The following ACSF3 variants were observed in gnomAD, a reference collection of about 807,000 sequenced individuals.
The protein encoded by ACSF3 is malonate--CoA ligase ACSF3, mitochondrial.
A neutral mutation model predicts 53.2 loss-of-function variants in ACSF3; 78 were observed. That is an observed-to-expected ratio of 1.47 (90% CI 1.22 to 1.77). The LOEUF (loss-of-function observed/expected upper bound fraction) is 1.77. Ranked by LOEUF, ACSF3 falls within the 40% of genes most tolerant of loss-of-function variation. The probability of loss-of-function intolerance (pLI) is 0.00; values close to 1 mark genes in which losing one functional copy is unlikely to be tolerated. For synonymous variants in ACSF3, 414 were observed against 333.1 expected, an observed-to-expected ratio of 1.24 and a Z score of -2.65; for missense variants, 937 against 771.1, an observed-to-expected ratio of 1.22 and a Z score of -2.55.
Position 89,142,746 on chromosome 16 carries a change from C to G in ACSF3, c.1367-2521C>G, listed in dbSNP as rs147702459. Reference sequence around the variant, plus strand: ...AGCCACACCTATAGACACACCCACACCTGCAGAGACACACCCACACCTACA... The same window carrying G: ...AGCCACACCTATAGACACACCCACAGCTGCAGAGACACACCCACACCTACA... On this transcript the variant is annotated intron_variant, in intron 8 of 10. Transcript: ENST00000614302. 3.2e-3 allele frequency among the ~76,000 whole-genome samples: 487 copies of G among 151,612 alleles called. 2 individuals carry two copies. Among genetic ancestry groups the G allele is most frequent in the African/African-American group, 0.011 (462 of 41,308 alleles).
chr16:89,154,662 C>A lies in ACSF3; in HGVS notation c.*455C>A, dbSNP rs1459970489. On this transcript the variant is annotated 3_prime_UTR_variant, in exon 11 of 11. Transcript: ENST00000614302. The stretch of plus-strand genomic sequence containing the variant: ...GTGTCTCCCGGCCCACATAGGAGGT[C>A]TGGGCAGCCACCCAGGGGGCCCTCC... 1 of 454,250 alleles carries A rather than the reference C, an allele frequency of 2.2e-6. No individual in the cohort carries two copies. Among genetic ancestry groups the A allele is most frequent in the Non-Finnish European group, 4.4e-6 (1 of 226,958 alleles). 28.1% of individuals were successfully genotyped at this position (454,250 alleles called of 1,614,324 possible). A position where few individuals can be genotyped will look rare whatever the true frequency, so the allele number is the denominator to read the frequency against.
intron 1 of ACSF3, 145 bp from the exon 2 acceptor site, chr16:89,098,446 G>A: frequency 2.8e-6 from 1 of 353,980 alleles, no homozygotes; most frequent in Non-Finnish European, 5.6e-6. Flanking sequence ...GTTGTCGGGA[G>A]ATAAGGCTCA....
intron 6 of ACSF3, chr16:89,114,785 G>T: frequency 2.2e-6 from 1 of 460,840 alleles, no homozygotes; most frequent in Admixed American, 3.2e-5. Context: ...AGGCGTCAGT[G>T]CATGTCTCAG....
chr16:89,112,398 A>G lies in ACSF3; in HGVS notation c.977+152A>G, dbSNP rs964336293. On this transcript the variant is annotated intron_variant, in intron 5 of 10. Transcript: ENST00000614302. ...TCTCTCTCTACCCGTCTCCGTCTCTACCTCTCTAACTGTCTCTCTCTCTCT... is the reference window on the plus strand; with the variant it reads ...TCTCTCTCTACCCGTCTCCGTCTCTGCCTCTCTAACTGTCTCTCTCTCTCT... 2.5e-5 allele frequency: 25 copies of G among 984,414 alleles called. No individual in the cohort carries two copies. In the South Asian group the frequency reaches 3.3e-4, roughly 13 times the overall value. 61.0% of individuals were successfully genotyped at this position (984,414 alleles called of 1,614,324 possible).
At chr16:89,122,360 C>T in intron 7 of ACSF3, 3 of 433,988 alleles carry the variant, frequency 6.9e-6, no homozygotes, top group Non-Finnish European at 1.4e-5. Context: ...ACCCACCTCC[C>T]CTGCCCTCTG....
At chr16:89,102,424 T>A (rs898538145) in intron 3 of ACSF3, 180 bp from the exon 4 acceptor site, 3 of 695,246 alleles carry the variant, frequency 4.3e-6, no homozygotes, top group Non-Finnish European at 7.6e-6. Flanking sequence ...CCAGCAGATC[T>A]GCTGTGGTTT....
chr16:89,152,980 C>G (rs1914279756), intron 10 of ACSF3: 1 of 152,304 alleles, frequency 6.6e-6, no homozygotes, highest in African/African-American at 2.4e-5. Context: ...GAGCGAGAGA[C>G]TGGGCTGGGC....
intron 10 of ACSF3, among the ~76,000 whole-genome samples, chr16:89,147,290 T>G (rs1376505730): frequency 8.2e-5 from 5 of 61,176 alleles, no homozygotes; most frequent in Non-Finnish European, 1.5e-4. Flanking sequence ...GGCCACAGTG[T>G]GAGTGAGGGA....
In ACSF3 at chr16:89,125,698, A is replaced by AAAGAGAG. The variant is rs373857710; in HGVS notation, c.1239+4786_1239+4787insAGAGAGA. ...AGAGTGAGACTGCCTCAAAAAAAAA[A>AAAGAGAG]AGAGAGAGAGAGAGAGAGAGATGTT... is the stretch of plus-strand genomic sequence containing the variant. On this transcript the variant is annotated intron_variant, in intron 7 of 10. Transcript: ENST00000614302. Among the ~76,000 whole-genome samples the AAAGAGAG allele has an allele frequency of 7.8e-4, 116 of 147,964 alleles. 2 individuals are homozygous for AAAGAGAG. Among genetic ancestry groups the AAAGAGAG allele is most frequent in the Admixed American group, 5.7e-3 (85 of 14,870 alleles).
chr16:89,149,104 C>T (rs992212437), intron 10 of ACSF3: 1 of 152,194 alleles, frequency 6.6e-6, no homozygotes, highest in African/African-American at 2.4e-5. Flanking sequence ...GCAATCTTTG[C>T]TCCAGTTCCC....
rs143793502 is a variant in ACSF3, at chr16:89,112,123, C to A, written c.854C>A (p.Pro285Gln). The change falls in exon 5 of 11, where the codon CCG becomes CAG. Residue 285 changes from proline (P) to glutamine (Q), a missense_variant. Transcript: ENST00000614302. Reference sequence around the variant, plus strand: ...GAAAAGTTCTTAAGTTCTGAAACGCCGCGGATCAATGTCTTTATGGCAGTG... The same window carrying A: ...GAAAAGTTCTTAAGTTCTGAAACGCAGCGGATCAATGTCTTTATGGCAGTG... ...VWEKFLSSET[P>Q]RINVFMAVPT... The A allele has an allele frequency of 1.8e-6, 2 of 1,112,456 alleles. No individual in the cohort carries two copies. Among genetic ancestry groups the A allele is most frequent in the Non-Finnish European group, 2.2e-6 (2 of 896,236 alleles). 68.9% of individuals were successfully genotyped at this position (1,112,456 alleles called of 1,614,324 possible).
intron 7 of ACSF3, among the ~76,000 whole-genome samples, chr16:89,124,573 T>C (rs1347858243): frequency 6.6e-6 from 1 of 151,896 alleles, no homozygotes; most frequent in African/African-American, 2.4e-5. Context: ...GAGATACCCA[T>C]GCGCACACTG....
intron 7 of ACSF3, among the ~76,000 whole-genome samples, chr16:89,121,384 C>T (rs988115668): frequency 2.0e-5 from 3 of 152,194 alleles, no homozygotes; most frequent in Admixed American, 2.0e-4. Flanking sequence ...TCACGGGGCC[C>T]TGCACGCGGA....
At chr16:89,117,084 C>T (rs1403161944) in intron 6 of ACSF3, among the ~76,000 whole-genome samples, 1 of 152,178 alleles carries the variant, frequency 6.6e-6, no homozygotes, top group Admixed American at 6.5e-5. Flanking sequence ...CTGCAGGCTG[C>T]AGGCAAGTGA....
Position 89,154,396 on chromosome 16 carries a change from G to A in ACSF3, c.*189G>A. On this transcript the variant is annotated 3_prime_UTR_variant, in exon 11 of 11. Coordinates refer to ENST00000614302, the MANE Select transcript of ACSF3 (RefSeq NM_001243279.3). ...CCCCAGCCTCGGGCCAGTTGTTGCA[G>A]CTCAAGGAGACCGTCCCTGGTGTCA... The A allele has an allele frequency of 1.4e-6, 1 of 692,722 alleles. No homozygotes were observed. Among genetic ancestry groups the A allele is most frequent in the Non-Finnish European group, 2.6e-6 (1 of 383,436 alleles). The allele number at this position is 692,722 out of a possible 1,614,324, so 42.9% of individuals were successfully genotyped here. A position where few individuals can be genotyped will look rare whatever the true frequency, so the allele number is the denominator to read the frequency against.
At chr16:89,139,646 G>A (rs1911358549) in intron 8 of ACSF3, among the ~76,000 whole-genome samples, 1 of 141,616 alleles carries the variant, frequency 7.1e-6, no homozygotes, top group Non-Finnish European at 1.5e-5. Flanking sequence ...AGACTGGAGT[G>A]CAGTGGCGCC....
Position 89,114,092 on chromosome 16 carries a change from C to G in ACSF3, c.978-247C>G, listed in dbSNP as rs147877582. The stretch of plus-strand genomic sequence containing the variant: ...TGTTTACCCTCATTAGCTGTTGGAC[C>G]TGCTTCCTTCTAAAATACACCCAAC... On this transcript the variant is annotated intron_variant, in intron 5 of 10. Transcript: ENST00000614302. The G allele has an allele frequency of 3.5e-3, 1,991 of 569,150 alleles. 8 individuals are homozygous for G. Among genetic ancestry groups the G allele is most frequent in the Non-Finnish European group, 3.6e-3 (1,124 of 311,118 alleles). The allele number at this position is 569,150 out of a possible 1,614,324, so 35.3% of individuals were successfully genotyped here.
At chr16:89,112,017 C>A in intron 4 of ACSF3, 75 bp from the exon 5 acceptor site, 1 of 164,846 alleles carries the variant, frequency 6.1e-6, no homozygotes. Context: ...GAACGCTGTG[C>A]CTGGAGCCAG....
At chr16:89,106,092 G>A (rs1025745699) in intron 4 of ACSF3, among the ~76,000 whole-genome samples, 10 of 152,152 alleles carry the variant, frequency 6.6e-5, no homozygotes, top group Middle Eastern at 3.2e-3. Flanking sequence ...TCCCAAGGGC[G>A]TCTGCCCAGG....
Sources: gnomAD v4.1 joint callset for allele counts (sites outside exome capture counted in the v4.1 genomes callset) on GRCh38, gnomAD v4.1.1 for gene constraint, MANE v1.5 for transcripts, NCBI Gene and HGNC (gene_info 2026-07-23, HGNC 2026-07-21) for gene names.